CSTPP1: variants seen among roughly 807,000 people sequenced by gnomAD.
CSTPP1 encodes centriolar satellite-associated tubulin polyglutamylase complex regulator 1.
At chr11:47,028,210 A>G in the CSTPP1 span, among the ~76,000 whole-genome samples, 1 of 152,308 alleles carries the variant, frequency 6.6e-6, no homozygotes, top group Middle Eastern at 3.4e-3. Flanking sequence ...GGCGTGAGCC[A>G]TCACGCCCGG....
the CSTPP1 span, chr11:47,155,913 T>G: frequency 1.3e-5 from 2 of 152,450 alleles, no homozygotes; most frequent in Non-Finnish European, 2.9e-5. Flanking sequence ...TGGAATCAGA[T>G]GGAATAAATA....
the CSTPP1 span, among the ~76,000 whole-genome samples, chr11:46,976,861 C>A: frequency 6.6e-6 from 1 of 152,148 alleles, no homozygotes; most frequent in Non-Finnish European, 1.5e-5. Context: ...GTGTGTTTTG[C>A]TTCCTGAGAA....
chr11:47,152,221 C>T, the CSTPP1 span, among the ~76,000 whole-genome samples: 2 of 151,680 alleles, frequency 1.3e-5, no homozygotes, highest in Non-Finnish European at 2.9e-5. Flanking sequence ...TGCACTCCAG[C>T]CTGGGCAACA....
the CSTPP1 span, among the ~76,000 whole-genome samples, chr11:47,151,943 T>G: frequency 6.6e-6 from 1 of 152,016 alleles, no homozygotes; most frequent in East Asian, 1.9e-4. Context: ...TGTTGTAGAA[T>G]AAAATTTAAT....
the CSTPP1 span, among the ~76,000 whole-genome samples, chr11:47,044,701 T>C: frequency 6.6e-6 from 1 of 152,000 alleles, no homozygotes; most frequent in Non-Finnish European, 1.5e-5. Flanking sequence ...GGCAGGAGGA[T>C]TGCTTGAGGA....
chr11:47,138,287 A>C, the CSTPP1 span, among the ~76,000 whole-genome samples: 1 of 152,306 alleles, frequency 6.6e-6, no homozygotes, highest in South Asian at 2.1e-4. Flanking sequence ...GAACTCACTC[A>C]CTATCACAAG....
chr11:47,098,255 A>G, the CSTPP1 span, among the ~76,000 whole-genome samples: 1 of 143,110 alleles, frequency 7.0e-6, no homozygotes, highest in Non-Finnish European at 1.5e-5. Flanking sequence ...CTATTGTCCC[A>G]TGACCCTGCC....
At chr11:47,147,053 G>A in the CSTPP1 span, among the ~76,000 whole-genome samples, 1 of 152,230 alleles carries the variant, frequency 6.6e-6, no homozygotes, top group Non-Finnish European at 1.5e-5. Context: ...AGGAAGAAAG[G>A]TAGAGGATAG....
At chr11:47,139,278 T>C in the CSTPP1 span, among the ~76,000 whole-genome samples, 1 of 151,964 alleles carries the variant, frequency 6.6e-6, no homozygotes, top group African/African-American at 2.4e-5. Flanking sequence ...CACAAATACA[T>C]ACCCACACTC....
At chr11:46,989,845 T>A in the CSTPP1 span, among the ~76,000 whole-genome samples, 1 of 152,156 alleles carries the variant, frequency 6.6e-6, no homozygotes, top group African/African-American at 2.4e-5. Context: ...CCCATGTTCA[T>A]GTCCATGAAT....
the CSTPP1 span, among the ~76,000 whole-genome samples, chr11:47,040,655 A>G: frequency 1.6e-5 from 2 of 126,700 alleles, 1 homozygote; most frequent in Admixed American, 1.7e-4. Flanking sequence ...GACCCCGGCA[A>G]TCTCCACCTG....
chr11:47,092,335 AG>A, the CSTPP1 span, among the ~76,000 whole-genome samples: 2 of 152,234 alleles, frequency 1.3e-5, no homozygotes, highest in Non-Finnish European at 2.9e-5. Context: ...ATAAACTTGT[AG>A]AAAAATGTCC....
the CSTPP1 span, among the ~76,000 whole-genome samples, chr11:47,069,255 G>A: frequency 2.0e-5 from 3 of 152,266 alleles, no homozygotes; most frequent in African/African-American, 4.8e-5. Flanking sequence ...TAGTCACTTG[G>A]TAGGACCTGT....
the CSTPP1 span, among the ~76,000 whole-genome samples, chr11:46,944,525 G>C: frequency 1.3e-5 from 2 of 152,098 alleles, no homozygotes; most frequent in African/African-American, 4.8e-5. Flanking sequence ...CCTGACCCCA[G>C]CTCTGAATCT....
chr11:46,979,989 G>A, the CSTPP1 span, among the ~76,000 whole-genome samples: 1 of 152,102 alleles, frequency 6.6e-6, no homozygotes, highest in African/African-American at 2.4e-5. Context: ...ATTATTATGA[G>A]ATTTAGGCTG....
the CSTPP1 span, among the ~76,000 whole-genome samples, chr11:47,019,532 C>T: frequency 6.6e-6 from 1 of 152,020 alleles, no homozygotes; most frequent in South Asian, 2.1e-4. Flanking sequence ...AATTTCAATA[C>T]CATTGTAGCT....
the CSTPP1 span, among the ~76,000 whole-genome samples, chr11:47,116,425 C>G: frequency 3.3e-5 from 5 of 151,996 alleles, no homozygotes; most frequent in African/African-American, 9.7e-5. Context: ...GTGTTAAAGT[C>G]TCCCATTATT....
the CSTPP1 span, among the ~76,000 whole-genome samples, chr11:47,034,103 A>AAT: frequency 2.6e-5 from 4 of 151,034 alleles, no homozygotes; most frequent in East Asian, 1.9e-4. Flanking sequence ...GTATAATAAA[A>AAT]ATATATATAT....
At chr11:47,044,746 C>CA in the CSTPP1 span, among the ~76,000 whole-genome samples, 2 of 151,902 alleles carry the variant, frequency 1.3e-5, no homozygotes, top group Admixed American at 1.3e-4. Context: ...CCCATCTCTA[C>CA]AAAAAAATTA....
Sources: allele counts gnomAD v4.1 joint callset (sites outside exome capture counted in the v4.1 genomes callset), GRCh38; gene constraint gnomAD v4.1.1; transcripts MANE v1.5; gene names NCBI Gene and HGNC (gene_info 2026-07-23, HGNC 2026-07-21).